Variants in ACTN2 observed in about 807,000 individuals in gnomAD.
ACTN2 encodes actinin alpha 2, also known as alpha-actinin-2.
A neutral mutation model predicts 113.8 loss-of-function variants in ACTN2; 39 were observed. That is an observed-to-expected ratio of 0.34 (90% CI 0.27 to 0.45). The LOEUF is 0.45. Ranked by LOEUF, ACTN2 falls within the 20% of genes least tolerant of loss-of-function variation. The probability of loss-of-function intolerance (pLI) is 1.00; values close to 1 mark genes in which losing one functional copy is unlikely to be tolerated. For synonymous variants in ACTN2, 429 were observed against 444.1 expected (o/e 0.97, Z 0.43); for missense variants, 992 against 1,177.9 (o/e 0.84, Z 2.31).
intron 14 of ACTN2, 147 bp downstream of exon 14, chr1:236,749,411 T>G: frequency 9.8e-7 from 1 of 1,025,466 alleles, no homozygotes; most frequent in African/African-American, 1.6e-5. Context: ...CCTTGAACCT[T>G]AGCTTAAAAA....
rs1475638470 is a variant in ACTN2, at chr1:236,762,467, A to G, written c.2533A>G (p.Ile845Val). Residue 845 changes from isoleucine (I) to valine (V), a missense_variant, in exon 21 of 21, where the codon ATC (isoleucine) becomes GTC (valine). By Grantham distance (29) the Ile-to-Val change is conservative. Around this residue, in one of 3 missense-constraint regions of ACTN2, gnomAD observed 736 missense variants for 815.4 expected, o/e 0.90. Transcript: ENST00000366578. Reference protein sequence around the residue: ...FRILASDKPYILAEELRRELP... With the variant: ...FRILASDKPYVLAEELRRELP... ...CGTGTGTATTTTTTCCCAGCCATAC[A>G]TCCTGGCGGAGGAGCTGCGTCGGGA... 1 of 1,614,024 alleles carries G rather than the reference A, an allele frequency of 6.2e-7. No homozygotes were observed. Among genetic ancestry groups the G allele is most frequent in the East Asian group, 2.2e-5 (1 of 44,902 alleles).
rs545161690 is a variant in ACTN2, at chr1:236,739,188, G to T, written c.877-114G>T. 103 of 1,115,508 alleles carry T rather than the reference G, an allele frequency of 9.2e-5. 2 individuals are homozygous for T. The Middle Eastern group carries it at 3.2e-3, about 35-fold the overall frequency. The allele number at this position is 1,115,508 out of a possible 1,614,324, so 69.1% of individuals were successfully genotyped here. A position where few individuals can be genotyped will look rare whatever the true frequency, so the allele number is the denominator to read the frequency against. Reference sequence around the variant, plus strand: ...CTGTGCGTAGAGGTACCACATCTCAGTGATTTTAGGAACATTCATCCTTTA... The same window carrying T: ...CTGTGCGTAGAGGTACCACATCTCATTGATTTTAGGAACATTCATCCTTTA... On this transcript the variant is annotated intron_variant, in intron 9 of 20. Coordinates refer to ENST00000366578, the MANE Select transcript of ACTN2 (RefSeq NM_001103.4).
Position 236,731,217 on chromosome 1 carries a change from CT to C in ACTN2, c.616-14del, listed in dbSNP as rs765856578. The C allele has an allele frequency of 2.5e-6, 4 of 1,597,278 alleles. No individual in the cohort carries two copies. Among genetic ancestry groups the C allele is most frequent in the South Asian group, 1.1e-5 (1 of 90,688 alleles). ...AAATATATTTTAAAAATCTGACTGT[CT>C]TGGTTTTCATACAGGATGACCCCAT... is the stretch of plus-strand genomic sequence containing the variant. On this transcript the variant is annotated splice_polypyrimidine_tract_variant and intron_variant, in intron 6 of 20. Coordinates refer to ENST00000366578, the MANE Select transcript of ACTN2 (RefSeq NM_001103.4).
In ACTN2 at chr1:236,737,318, T is replaced by TATATATATATATA. The variant is rs1465770912; in HGVS notation, c.876+104_876+105insATATATATATATA. The stretch of plus-strand genomic sequence containing the variant: ...GGGGGCATATATATATATATATATA[T>TATATATATATATA]TTTGCATTTTTCATCTCAGATAGGA... On this transcript the variant is annotated intron_variant, in intron 9 of 20. Coordinates refer to ENST00000366578, the MANE Select transcript of ACTN2 (RefSeq NM_001103.4). 1.7e-3 allele frequency: 509 copies of TATATATATATATA among 296,138 alleles called. 85 individuals carry two copies. Among genetic ancestry groups the TATATATATATATA allele is most frequent in the Non-Finnish European group, 2.3e-3 (333 of 145,798 alleles). The allele number at this position is 296,138 out of a possible 1,614,324, so 18.3% of individuals were successfully genotyped here.
intron 1 of ACTN2, among the ~76,000 whole-genome samples, chr1:236,693,884 A>G (rs888334073): frequency 6.6e-6 from 1 of 152,150 alleles, no homozygotes; most frequent in Admixed American, 6.5e-5. Context: ...CAAGCCTCTT[A>G]TGGTGGTTTG....
At position 236,762,945 on chromosome 1, in the gene ACTN2, A is replaced by G. The variant is rs1029339523; in HGVS notation, c.*326A>G. ...AGGATCTAGGGACAGAAGGAAAGTG[A>G]AAAATGTGAAAATACAAAATACCCA... On this transcript the variant is annotated 3_prime_UTR_variant, in exon 21 of 21. Coordinates refer to ENST00000366578, the MANE Select transcript of ACTN2 (RefSeq NM_001103.4). 1 of 344,956 alleles carries G rather than the reference A, an allele frequency of 2.9e-6. No individual in the cohort carries two copies. Among genetic ancestry groups the G allele is most frequent in the Non-Finnish European group, 5.6e-6 (1 of 179,790 alleles). The allele number at this position is 344,956 out of a possible 1,614,324, so 21.4% of individuals were successfully genotyped here.
At chr1:236,755,304 C>G in intron 17 of ACTN2, 106 bp downstream of exon 17, 1 of 1,334,998 alleles carries the variant, frequency 7.5e-7, no homozygotes, top group South Asian at 1.2e-5. Context: ...CTGTTAAGAC[C>G]TACAAGTATG....
At position 236,686,522 on chromosome 1, in the gene ACTN2, C is replaced by T. The variant is rs1665870306; in HGVS notation, c.-152C>T. Reference sequence around the variant, plus strand: ...CCGGAGCTGGTGCTTCGCCCGAGACCCAGCGCCCAGGCGTGTCGCCCCGAG... The same window carrying T: ...CCGGAGCTGGTGCTTCGCCCGAGACTCAGCGCCCAGGCGTGTCGCCCCGAG... On this transcript the variant is annotated 5_prime_UTR_variant, in exon 1 of 21. Coordinates refer to ENST00000366578, the MANE Select transcript of ACTN2 (RefSeq NM_001103.4). 2.3e-6 allele frequency: 2 copies of T among 871,056 alleles called. No homozygotes were observed. The highest frequency in any genetic ancestry group is 3.0e-6 in the Non-Finnish European group (2 of 661,338). 54.0% of individuals were successfully genotyped at this position (871,056 alleles called of 1,614,324 possible). A position where few individuals can be genotyped will look rare whatever the true frequency, so the allele number is the denominator to read the frequency against.
intron 1 of ACTN2, among the ~76,000 whole-genome samples, chr1:236,692,257 T>C (rs1666109904): frequency 6.6e-6 from 1 of 152,230 alleles, no homozygotes; most frequent in African/African-American, 2.4e-5. Flanking sequence ...CAGTAGGCTG[T>C]GGTATAAATC....
At chr1:236,724,911 G>A (rs1484697245) in intron 4 of ACTN2, among the ~76,000 whole-genome samples, 3 of 137,292 alleles carry the variant, frequency 2.2e-5, no homozygotes, top group Non-Finnish European at 4.6e-5. Flanking sequence ...AACCCTTTAA[G>A]TGTTACAAAA....
At position 236,726,032 on chromosome 1, in the gene ACTN2, G is replaced by A; in HGVS notation, c.536+12G>A. On this transcript the variant is annotated intron_variant, in intron 5 of 20. Transcript: ENST00000366578. The stretch of plus-strand genomic sequence containing the variant: ...AACTTCCATACTAGGTGAGCACCCA[G>A]GGCCCCTGGTCCTTGTATTCTCAGT... 6.2e-7 allele frequency: 1 copy of A among 1,610,842 alleles called. No homozygotes were observed. Among genetic ancestry groups the A allele is most frequent in the East Asian group, 2.2e-5 (1 of 44,850 alleles).
intron 1 of ACTN2, among the ~76,000 whole-genome samples, chr1:236,700,974 C>A (rs1657657007): frequency 6.6e-6 from 1 of 152,138 alleles, no homozygotes; most frequent in African/African-American, 2.4e-5. Context: ...TAGCCGGTGA[C>A]CTTGGGCAAG....
intron 5 of ACTN2, 54 bp from the exon 6 acceptor site, chr1:236,727,624 C>T: frequency 1.9e-6 from 3 of 1,584,172 alleles, no homozygotes; most frequent in Non-Finnish European, 2.6e-6. Context: ...CAGATGCTGG[C>T]TGCTTCTTTC....
chr1:236,747,837 A>T, intron 13 of ACTN2, 62 bp downstream of exon 13: 1 of 1,244,474 alleles, frequency 8.0e-7, no homozygotes, highest in Non-Finnish European at 1.2e-6. Context: ...TAATTAAATC[A>T]CTGGTATTCA....
chr1:236,733,997 A>C (rs1355386015), intron 7 of ACTN2, among the ~76,000 whole-genome samples: 1 of 152,184 alleles, frequency 6.6e-6, no homozygotes, highest in Non-Finnish European at 1.5e-5. Flanking sequence ...TCTTTGTTTG[A>C]GGTGCAGACT....
At chr1:236,738,166 C>T (rs1473023119) in intron 9 of ACTN2, among the ~76,000 whole-genome samples, 1 of 152,224 alleles carries the variant, frequency 6.6e-6, no homozygotes, top group African/African-American at 2.4e-5. Context: ...TGCACCACCA[C>T]ACCCAGCTAA....
chr1:236,758,254 A>G (rs749019929), intron 18 of ACTN2, among the ~76,000 whole-genome samples: 8 of 151,618 alleles, frequency 5.3e-5, no homozygotes, highest in Non-Finnish European at 1.0e-4. Flanking sequence ...TGTGGCTGGA[A>G]GTGAGTGACT....
intron 1 of ACTN2, among the ~76,000 whole-genome samples, chr1:236,697,914 C>T (rs1657562190): frequency 6.7e-6 from 1 of 149,518 alleles, no homozygotes; most frequent in African/African-American, 2.5e-5. Flanking sequence ...CACCTGCCAT[C>T]ATGCCTGGCT....
At chr1:236,702,765 G>C (rs941126034) in intron 1 of ACTN2, among the ~76,000 whole-genome samples, 2 of 152,084 alleles carry the variant, frequency 1.3e-5, no homozygotes, top group Non-Finnish European at 2.9e-5. Context: ...CCATATGTAG[G>C]GGAAAGCTAT....
Sources: allele counts gnomAD v4.1 joint callset (sites outside exome capture counted in the v4.1 genomes callset), GRCh38; gene constraint gnomAD v4.1.1; regional missense constraint gnomAD v4.1.1; transcripts MANE v1.5; gene names NCBI Gene and HGNC (gene_info 2026-07-23, HGNC 2026-07-21).